Variants in ADAM28 observed in about 807,000 individuals in gnomAD.
The protein encoded by ADAM28 is ADAM metallopeptidase domain 28.
A neutral mutation model predicts 101.2 loss-of-function variants in ADAM28; 105 were observed. The ratio of observed to expected loss-of-function variants is 1.04; its 90% CI spans 0.89 to 1.22. The LOEUF (loss-of-function observed/expected upper bound fraction) is 1.22, where lower values mean the gene tolerates loss of function less well. Ranked by LOEUF, ADAM28 falls within the 50% of genes most tolerant of loss-of-function variation. The pLI is 0.00. For missense variants in ADAM28, 1,028 were observed against 945.4 expected (o/e 1.09, Z -1.15); for synonymous variants, 322 against 310.6 (o/e 1.04, Z -0.39).
At chr8:24,331,486 G>A (rs758181341) in intron 12 of ADAM28, among the ~76,000 whole-genome samples, 159 bp downstream of exon 12, 2 of 152,100 alleles carry the variant, frequency 1.3e-5, no homozygotes, top group Non-Finnish European at 2.9e-5. Flanking sequence ...TTTCTGACAA[G>A]GAACCCTGCA....
chr8:24,301,747 A>T (rs774024361), intron 2 of ADAM28, among the ~76,000 whole-genome samples: 10 of 152,116 alleles, frequency 6.6e-5, no homozygotes, highest in Admixed American at 1.3e-4. Context: ...GGGAGAGTCC[A>T]TATGTTCTCC....
At chr8:24,297,508 G>C (rs981686882) in intron 1 of ADAM28, among the ~76,000 whole-genome samples, 11 of 152,142 alleles carry the variant, frequency 7.2e-5, no homozygotes, top group African/African-American at 2.7e-4. Flanking sequence ...AGGCAGCTTG[G>C]ACTACTATTT....
intron 1 of ADAM28, among the ~76,000 whole-genome samples, chr8:24,295,220 T>C (rs1807800272): frequency 6.6e-6 from 1 of 152,178 alleles, no homozygotes; most frequent in Non-Finnish European, 1.5e-5. Context: ...TATTTTCCTT[T>C]TGTTTCTGTG....
At chr8:24,314,547 A>G (rs1353929404) in intron 6 of ADAM28, among the ~76,000 whole-genome samples, 1 of 152,052 alleles carries the variant, frequency 6.6e-6, no homozygotes, top group Non-Finnish European at 1.5e-5. Context: ...AGAGTCTGTG[A>G]GCAAAGGGTA....
intron 8 of ADAM28, among the ~76,000 whole-genome samples, chr8:24,323,295 T>G (rs566627439): frequency 1.3e-5 from 2 of 152,052 alleles, no homozygotes; most frequent in South Asian, 4.1e-4. Context: ...ACCACCACCT[T>G]GGGAGTTAGG....
chr8:24,342,556 A>G (rs1814907081), intron 16 of ADAM28, among the ~76,000 whole-genome samples: 1 of 152,192 alleles, frequency 6.6e-6, no homozygotes, highest in Non-Finnish European at 1.5e-5. Context: ...ATTTAAACTT[A>G]TTCTTTTCCC....
chr8:24,316,917 G>A (rs1446380027), intron 6 of ADAM28, among the ~76,000 whole-genome samples: 2 of 151,788 alleles, frequency 1.3e-5, no homozygotes, highest in African/African-American at 2.4e-5. Context: ...TTCTATACAC[G>A]AATAACAACC....
In ADAM28 at chr8:24,321,176, A is replaced by G. The variant is rs371922602; in HGVS notation, c.649-42A>G. ...CCTTTTTAACCTTCCAAGTATATTC[A>G]TTTTTATCAATGCCCATATTCTTTC... On this transcript the variant is annotated intron_variant, in intron 7 of 22. Coordinates refer to ENST00000265769, the MANE Select transcript of ADAM28 (RefSeq NM_014265.6). The G allele has an allele frequency of 6.6e-5, 86 of 1,302,318 alleles. No individual in the cohort carries two copies. In the African/African-American group the frequency reaches 1.2e-3, roughly 18 times the overall value. The allele number at this position is 1,302,318 out of a possible 1,614,324, so 80.7% of individuals were successfully genotyped here.
chr8:24,355,112 A>G lies in ADAM28; in HGVS notation c.*708A>G, dbSNP rs1283127434. 1 of 152,584 alleles carries G rather than the reference A, an allele frequency of 6.6e-6. No individual in the cohort carries two copies. Among genetic ancestry groups the G allele is most frequent in the Non-Finnish European group, 1.5e-5 (1 of 68,012 alleles). 9.5% of individuals were successfully genotyped at this position (152,584 alleles called of 1,614,324 possible). ...TGCAAATATATTTGGTCTGAATGAT[A>G]TTGATATTGGACACATAGTACTTTT... is the stretch of plus-strand genomic sequence containing the variant. On this transcript the variant is annotated 3_prime_UTR_variant, in exon 23 of 23. Coordinates refer to ENST00000265769, the MANE Select transcript of ADAM28 (RefSeq NM_014265.6).
At chr8:24,316,733 A>G (rs1416614365) in intron 6 of ADAM28, among the ~76,000 whole-genome samples, 4 of 152,018 alleles carry the variant, frequency 2.6e-5, no homozygotes, top group Non-Finnish European at 5.9e-5. Context: ...TATCAAAAGC[A>G]TTTAGAAAAG....
chr8:24,306,150 AACATGGTGAAACCCTGTCTCT>A (rs1212680914), intron 2 of ADAM28, among the ~76,000 whole-genome samples: 1 of 151,580 alleles, frequency 6.6e-6, no homozygotes, highest in East Asian at 1.9e-4. Flanking sequence ...TAGTCCGACC[AACATGGTGAAACCCTGTCTCT>A]ACTAAAAATA....
Position 24,310,254 on chromosome 8 carries a change from C to G in ADAM28, c.306+13C>G. On this transcript the variant is annotated intron_variant, in intron 4 of 22. Transcript: ENST00000265769. ...CCCACAAATTATGGTATAACGGAGT[C>G]TCTTCAATTCTTTAATTAGGGTTTT... 1 of 1,607,692 alleles carries G rather than the reference C, an allele frequency of 6.2e-7. No homozygotes were observed. The highest frequency in any genetic ancestry group is 1.3e-5 in the African/African-American group (1 of 74,816).
intron 8 of ADAM28, among the ~76,000 whole-genome samples, chr8:24,321,741 A>C (rs1811909641): frequency 1.3e-5 from 2 of 152,034 alleles, no homozygotes; most frequent in Non-Finnish European, 2.9e-5. Flanking sequence ...ATATTCTCAG[A>C]AACAAAGAAC....
At chr8:24,332,813 A>T (rs1000706763) in intron 13 of ADAM28, 64 bp downstream of exon 13, 2 of 881,076 alleles carry the variant, frequency 2.3e-6, no homozygotes, top group African/African-American at 1.7e-5. Flanking sequence ...CATCTCAGTG[A>T]TTATGTTAAC....
At chr8:24,301,222 C>T (rs950679551) in intron 2 of ADAM28, among the ~76,000 whole-genome samples, 1 of 152,142 alleles carries the variant, frequency 6.6e-6, no homozygotes, top group Non-Finnish European at 1.5e-5. Flanking sequence ...GTATTTGACC[C>T]CATTTCCCAA....
At position 24,349,980 on chromosome 8, in the gene ADAM28, T is replaced by TTTATC. The variant is rs766447784; in HGVS notation, c.2099+16_2099+20dup. ...GCAGAAGAAAGATCAGAGGTGATCCTTTATCTTATCTTGCTGTAGGGACTC... is the reference window on the plus strand; with the variant it reads ...GCAGAAGAAAGATCAGAGGTGATCCTTTATCTTATCTTATCTTGCTGTAGGGACTC... On this transcript the variant is annotated intron_variant, in intron 19 of 22. Transcript: ENST00000265769. 1 of 1,611,982 alleles carries TTTATC rather than the reference T, an allele frequency of 6.2e-7. No individual in the cohort carries two copies. Among genetic ancestry groups the TTTATC allele is most frequent in the Admixed American group, 1.7e-5 (1 of 59,974 alleles).
chr8:24,325,871 C>CAAAAAAAAAAAAAAAAAA (rs5890146), intron 9 of ADAM28, among the ~76,000 whole-genome samples: 9 of 20,414 alleles, frequency 4.4e-4, no homozygotes, highest in East Asian at 1.5e-3. Context: ...GTACAGATAG[C>CAAAAAAAAAAAAAAAAAA]AAAAAAAAAA....
intron 6 of ADAM28, among the ~76,000 whole-genome samples, chr8:24,318,769 A>G (rs1563287162): frequency 6.6e-6 from 1 of 151,926 alleles, no homozygotes; most frequent in African/African-American, 2.4e-5. Flanking sequence ...TGCCTCCGAC[A>G]TATTTCAGAT....
chr8:24,332,689 G>A lies in ADAM28; in HGVS notation c.1311G>A (p.Lys437=), dbSNP rs201234629. 480 of 1,525,834 alleles carry A rather than the reference G, an allele frequency of 3.1e-4. No individual in the cohort carries two copies. The highest frequency in any genetic ancestry group is 4.1e-4 in the Non-Finnish European group (463 of 1,128,872). 94.5% of individuals were successfully genotyped at this position (1,525,834 alleles called of 1,614,324 possible). ...GTACCAATATTTGCTGTGATGCTAA[G>A]ACATGTAAAATCAAAGCAACTTTTC... ...EECTNICCDA[K]TCKIKATFQC... Residue 437 remains lysine, a synonymous_variant, in exon 13 of 23, where the codon AAG becomes AAA. Transcript: ENST00000265769.
Sources: gnomAD v4.1 joint callset for allele counts (sites outside exome capture counted in the v4.1 genomes callset) on GRCh38, gnomAD v4.1.1 for gene constraint, MANE v1.5 for transcripts, NCBI Gene and HGNC (gene_info 2026-07-23, HGNC 2026-07-21) for gene names.